DAB1: variants seen among roughly 807,000 people sequenced by gnomAD.
DAB1 encodes the protein disabled homolog 1.
A neutral mutation model predicts 64.6 loss-of-function variants in DAB1; 15 were observed. The observed-to-expected ratio is 0.23, with a 90% CI of 0.16 to 0.36. The LOEUF (loss-of-function observed/expected upper bound fraction) is 0.36. Ranked by LOEUF, DAB1 falls within the 10% of genes least tolerant of loss-of-function variation. The pLI is 1.00. For synonymous variants in DAB1, 235 were observed against 251.9 expected, an observed-to-expected ratio of 0.93 and a Z score of 0.64; for missense variants, 596 against 706.7, an observed-to-expected ratio of 0.84 and a Z score of 1.78.
intron 4 of DAB1, among the ~76,000 whole-genome samples, chr1:58,246,031 G>T (rs529291112): frequency 6.6e-6 from 1 of 152,012 alleles, no homozygotes; most frequent in Non-Finnish European, 1.5e-5. Context: ...AAACACAGAA[G>T]GTATTTAGGT....
intron 5 of DAB1, among the ~76,000 whole-genome samples, chr1:57,956,813 G>C (rs1403602871): frequency 4.6e-5 from 7 of 152,354 alleles, no homozygotes; most frequent in African/African-American, 1.4e-4. Flanking sequence ...TCAATAAAGA[G>C]TTGAGCAACA....
chr1:57,255,657 T>A (rs1355320739), intron 2 of DAB1, among the ~76,000 whole-genome samples: 3 of 152,078 alleles, frequency 2.0e-5, no homozygotes, highest in Admixed American at 1.3e-4. Flanking sequence ...AGACCCAGGT[T>A]CAAAAAATAA....
chr1:57,839,203 A>G (rs1029587115), intron 1 of DAB1, among the ~76,000 whole-genome samples: 2 of 152,220 alleles, frequency 1.3e-5, no homozygotes, highest in Non-Finnish European at 2.9e-5. Context: ...TCGGTTAAAA[A>G]AATAAATAAA....
chr1:57,344,683 C>A (rs562809001), intron 1 of DAB1, among the ~76,000 whole-genome samples: 17 of 152,088 alleles, frequency 1.1e-4, no homozygotes, highest in African/African-American at 3.9e-4. Context: ...CATCTGTGCT[C>A]GTGTGTAATT....
intron 5 of DAB1, among the ~76,000 whole-genome samples, chr1:58,037,417 G>A (rs1449122368): frequency 6.6e-6 from 1 of 152,088 alleles, no homozygotes; most frequent in Non-Finnish European, 1.5e-5. Flanking sequence ...GTTAGGAACT[G>A]GGCTGCACAG....
intron 4 of DAB1, among the ~76,000 whole-genome samples, chr1:58,198,558 C>T (rs1657819360): frequency 6.6e-6 from 1 of 152,188 alleles, no homozygotes; most frequent in Admixed American, 6.5e-5. Context: ...TCCTTTGGTA[C>T]ATCAGTACAT....
At chr1:57,439,418 G>GTTTTTTTTTTTTGTTTTTTTTTTTT in intron 7 of DAB1, among the ~76,000 whole-genome samples, 8 of 116,170 alleles carry the variant, frequency 6.9e-5, no homozygotes, top group East Asian at 3.0e-4. Context: ...TGGTGATGAG[G>GTTTTTTTTTTTTGTTTTTTTTTTTT]TTTTTTCTTT....
At chr1:58,180,401 T>C (rs1231898700) in intron 4 of DAB1, among the ~76,000 whole-genome samples, 1 of 146,088 alleles carries the variant, frequency 6.8e-6, no homozygotes, top group Non-Finnish European at 1.5e-5. Flanking sequence ...TAAGTGATCC[T>C]CTAATATTAG....
At chr1:57,278,615 T>C (rs1671655474) in intron 2 of DAB1, among the ~76,000 whole-genome samples, 1 of 152,182 alleles carries the variant, frequency 6.6e-6, no homozygotes, top group Non-Finnish European at 1.5e-5. Context: ...GGCAGTGCTA[T>C]CTGAGCTATG....
intron 2 of DAB1, among the ~76,000 whole-genome samples, chr1:57,226,617 G>T (rs1470541373): frequency 6.7e-6 from 1 of 149,072 alleles, no homozygotes; most frequent in Non-Finnish European, 1.5e-5. Flanking sequence ...AAAAACAAGA[G>T]TGAGCCCTTC....
At chr1:57,268,263 A>C (rs1189956886) in intron 2 of DAB1, among the ~76,000 whole-genome samples, 1 of 152,218 alleles carries the variant, frequency 6.6e-6, no homozygotes. Context: ...GGGAAGAGAA[A>C]GAAATAGCGA....
chr1:57,757,220 T>G (rs3118052), intron 6 of DAB1, among the ~76,000 whole-genome samples: 37,324 of 120,118 alleles, frequency 0.31, 7,827 homozygotes, highest in African/African-American at 0.52. Flanking sequence ...TTTTTTTTTT[T>G]AGCAGCAATG....
intron 4 of DAB1, among the ~76,000 whole-genome samples, chr1:57,098,339 C>T (rs2100683029): frequency 6.6e-6 from 1 of 152,182 alleles, no homozygotes; most frequent in Admixed American, 6.5e-5. Context: ...TCTAATTTTA[C>T]AAATAAGGAA....
At chr1:58,216,061 G>A (rs111728018) in intron 4 of DAB1, among the ~76,000 whole-genome samples, 3 of 152,056 alleles carry the variant, frequency 2.0e-5, no homozygotes. Flanking sequence ...TTTAAGTTCT[G>A]GGATACATAT....
At chr1:57,548,305 A>T (rs1644877522) in intron 7 of DAB1, among the ~76,000 whole-genome samples, 1 of 152,150 alleles carries the variant, frequency 6.6e-6, no homozygotes, top group Admixed American at 6.5e-5. Flanking sequence ...CTTGAATCTC[A>T]GTTAACTTAA....
chr1:58,233,402 C>A (rs1210148490), intron 4 of DAB1, among the ~76,000 whole-genome samples: 1 of 152,094 alleles, frequency 6.6e-6, no homozygotes, highest in Non-Finnish European at 1.5e-5. Context: ...AGGATTTGAA[C>A]CCAGGTCTGC....
chr1:57,267,776 A>G (rs1375361807), intron 2 of DAB1, among the ~76,000 whole-genome samples: 1 of 152,200 alleles, frequency 6.6e-6, no homozygotes, highest in Non-Finnish European at 1.5e-5. Flanking sequence ...TGCCCACTCC[A>G]AAACACATAT....
chr1:57,256,422 C>T (rs197644), intron 2 of DAB1, among the ~76,000 whole-genome samples: 87,441 of 152,000 alleles, frequency 0.58, 25,278 homozygotes, highest in Admixed American at 0.66. Context: ...TGGGGTCCAG[C>T]TCTGACTCTC....
At chr1:58,117,617 TCA>T (rs1474039831) in intron 5 of DAB1, among the ~76,000 whole-genome samples, 1 of 152,178 alleles carries the variant, frequency 6.6e-6, no homozygotes, top group Non-Finnish European at 1.5e-5. Context: ...TCTACCGCTG[TCA>T]CACAGAATCA....
Sources: gnomAD v4.1 joint callset for allele counts (sites outside exome capture counted in the v4.1 genomes callset) on GRCh38, gnomAD v4.1.1 for gene constraint, MANE v1.5 for transcripts, NCBI Gene and HGNC (gene_info 2026-07-23, HGNC 2026-07-21) for gene names.